The following PAPSS2 variants were observed in gnomAD, a reference collection of about 807,000 sequenced individuals.
The protein encoded by PAPSS2 is 3'-phosphoadenosine 5'-phosphosulfate synthase 2.
PAPSS2 carries 61 observed loss-of-function variants against 66.5 expected under a neutral mutation model. The ratio of observed to expected loss-of-function variants is 0.92; its 90% CI spans 0.75 to 1.14. The LOEUF (loss-of-function observed/expected upper bound fraction) is 1.14. PAPSS2 is among the 50% of genes most tolerant of loss of function. The pLI, the probability that PAPSS2 is intolerant of heterozygous loss-of-function variation, is 0.00. For missense variants in PAPSS2, 708 were observed against 789.6 expected (o/e 0.90, Z 1.24); for synonymous variants, 289 against 287.5 (o/e 1.01, Z -0.05).
At chr10:87,732,570 C>T (rs995341373) in intron 9 of PAPSS2, among the ~76,000 whole-genome samples, 3 of 151,838 alleles carry the variant, frequency 2.0e-5, no homozygotes, top group African/African-American at 7.3e-5. Context: ...AGACATAATG[C>T]CATTGCACAC....
chr10:87,716,530 G>C (rs976602322), intron 7 of PAPSS2, among the ~76,000 whole-genome samples: 2 of 152,118 alleles, frequency 1.3e-5, no homozygotes, highest in African/African-American at 2.4e-5. Flanking sequence ...CAAGACCTTC[G>C]GGGAATGGCT....
Position 87,713,160 on chromosome 10 carries a change from T to C in PAPSS2, c.231T>C (p.Asp77=). 2.5e-6 allele frequency: 4 copies of C among 1,613,380 alleles called. No individual in the cohort carries two copies. Among genetic ancestry groups the C allele is most frequent in the Non-Finnish European group, 3.4e-6 (4 of 1,179,598 alleles). ...VSHAIPCYSL[D]GDNVRHGLNR... is the part of the protein sequence containing the mutation. ...ATGCCATCCCTTGTTACTCCCTGGA[T>C]GGGGACAATGTCCGTCATGGCCTTA... The change falls in exon 3 of 13, where the codon GAT becomes GAC. Residue 77 remains aspartate (D), a synonymous_variant. Transcript: ENST00000456849.
intron 9 of PAPSS2, among the ~76,000 whole-genome samples, chr10:87,736,441 T>C (rs1002892382): frequency 2.6e-5 from 4 of 151,942 alleles, no homozygotes; most frequent in Non-Finnish European, 4.4e-5. Flanking sequence ...CTATTTTTTA[T>C]ATTTTTAGTA....
intron 9 of PAPSS2, among the ~76,000 whole-genome samples, chr10:87,729,960 C>T (rs1294270253): frequency 1.3e-5 from 2 of 152,050 alleles, no homozygotes; most frequent in East Asian, 3.9e-4. Flanking sequence ...AGCGCCATTG[C>T]ACTCCAGCCT....
intron 1 of PAPSS2, among the ~76,000 whole-genome samples, chr10:87,662,386 C>G (rs1852763171): frequency 6.6e-6 from 1 of 152,054 alleles, no homozygotes; most frequent in African/African-American, 2.4e-5. Flanking sequence ...TGTAGGATGA[C>G]TTTTTCATAA....
rs1184757319 is a variant in PAPSS2, at chr10:87,746,518, G to A, written c.*548G>A. Reference sequence around the variant, plus strand: ...CCTTAATGTTGTAATCATATCTTACGTGTTGAAGACCTGACTGGAGAAACA... The same window carrying A: ...CCTTAATGTTGTAATCATATCTTACATGTTGAAGACCTGACTGGAGAAACA... On this transcript the variant is annotated 3_prime_UTR_variant, in exon 13 of 13. Coordinates refer to ENST00000456849, the MANE Select transcript of PAPSS2 (RefSeq NM_001015880.2). 3.3e-5 allele frequency: 5 copies of A among 152,098 alleles called. No homozygotes were observed. The highest frequency in any genetic ancestry group is 3.3e-4 in the Admixed American group (5 of 15,270). 9.4% of individuals were successfully genotyped at this position (152,098 alleles called of 1,614,324 possible).
intron 1 of PAPSS2, 109 bp downstream of exon 1, chr10:87,660,117 G>C (rs917978659): frequency 9.1e-7 from 1 of 1,103,212 alleles, no homozygotes; most frequent in African/African-American, 1.5e-5. Context: ...AGGGGGCGTC[G>C]GGAGGAGGAG....
chr10:87,675,740 T>G (rs1250570034), intron 1 of PAPSS2, among the ~76,000 whole-genome samples: 1 of 152,166 alleles, frequency 6.6e-6, no homozygotes, highest in Non-Finnish European at 1.5e-5. Flanking sequence ...CTTCACAAAA[T>G]ATTGATGCCT....
intron 1 of PAPSS2, among the ~76,000 whole-genome samples, chr10:87,681,833 A>C (rs547245795): frequency 6.6e-6 from 1 of 152,344 alleles, no homozygotes; most frequent in South Asian, 2.1e-4. Flanking sequence ...TTCACTTAGC[A>C]TAATGTTTTA....
chr10:87,704,125 C>T, intron 1 of PAPSS2: 1 of 431,096 alleles, frequency 2.3e-6, no homozygotes, highest in South Asian at 1.7e-5. Flanking sequence ...TGCAAAACCT[C>T]AAGGGTGATT....
At chr10:87,687,538 A>C (rs1316042946) in intron 1 of PAPSS2, among the ~76,000 whole-genome samples, 1 of 152,212 alleles carries the variant, frequency 6.6e-6, no homozygotes, top group East Asian at 1.9e-4. Context: ...CCGCATAGAA[A>C]TAGAGAGTAG....
At chr10:87,719,941 A>C (rs1853574912) in intron 7 of PAPSS2, among the ~76,000 whole-genome samples, 1 of 151,960 alleles carries the variant, frequency 6.6e-6, no homozygotes, top group African/African-American at 2.4e-5. Flanking sequence ...GCTGGAGTGC[A>C]GTGGCGCGAT....
chr10:87,720,039 C>T (rs995836535), intron 7 of PAPSS2, among the ~76,000 whole-genome samples: 7 of 152,010 alleles, frequency 4.6e-5, no homozygotes, highest in South Asian at 2.1e-4. Flanking sequence ...GCGCTTGCCA[C>T]GAAGCCCAGG....
intron 1 of PAPSS2, among the ~76,000 whole-genome samples, chr10:87,670,412 A>T (rs1219893645): frequency 2.6e-5 from 4 of 152,222 alleles, no homozygotes; most frequent in Non-Finnish European, 5.9e-5. Flanking sequence ...TGTAAAAGGT[A>T]TGTTCCTTGG....
At chr10:87,719,768 T>C (rs1447406214) in intron 7 of PAPSS2, among the ~76,000 whole-genome samples, 2 of 152,172 alleles carry the variant, frequency 1.3e-5, no homozygotes, top group Non-Finnish European at 2.9e-5. Context: ...AGAATGGTAA[T>C]GAAGGCAGGT....
rs747006658 is a variant in PAPSS2 at position 87,714,726 on chromosome 10, T to G, written c.521-19T>G. On this transcript the variant is annotated intron_variant, in intron 4 of 12. Coordinates refer to ENST00000456849, the MANE Select transcript of PAPSS2 (RefSeq NM_001015880.2). Reference sequence around the variant, plus strand: ...TCTGTCAATACAGATGCGATGATTGTCACCCATATGCTTTGCAGGATTTAC... The same window carrying G: ...TCTGTCAATACAGATGCGATGATTGGCACCCATATGCTTTGCAGGATTTAC... 2.3e-6 allele frequency: 3 copies of G among 1,284,754 alleles called. No homozygotes were observed. In the Admixed American group the frequency reaches 5.0e-5, roughly 22 times the overall value. 79.6% of individuals were successfully genotyped at this position (1,284,754 alleles called of 1,614,324 possible). A position where few individuals can be genotyped will look rare whatever the true frequency, so the allele number is the denominator to read the frequency against.
intron 1 of PAPSS2, among the ~76,000 whole-genome samples, chr10:87,664,888 T>C (rs1480235118): frequency 2.0e-5 from 3 of 152,262 alleles, no homozygotes; most frequent in African/African-American, 4.8e-5. Context: ...GAACAGCTTA[T>C]ATGCCCAGCA....
chr10:87,708,092 ATTTTC>A (rs1853415369), intron 1 of PAPSS2, among the ~76,000 whole-genome samples: 3 of 151,632 alleles, frequency 2.0e-5, no homozygotes, highest in African/African-American at 7.3e-5. Flanking sequence ...ATCACATGTT[ATTTTC>A]TTTTAAGTCC....
intron 9 of PAPSS2, among the ~76,000 whole-genome samples, chr10:87,737,234 C>T (rs1853811543): frequency 6.6e-6 from 1 of 152,058 alleles, no homozygotes; most frequent in Admixed American, 6.5e-5. Context: ...GAAGATGGTT[C>T]TTCTGCAGGT....
Sources: allele counts gnomAD v4.1 joint callset (sites outside exome capture counted in the v4.1 genomes callset), GRCh38; gene constraint gnomAD v4.1.1; transcripts MANE v1.5; gene names NCBI Gene and HGNC (gene_info 2026-07-23, HGNC 2026-07-21).